Variants in B4GALNT3 observed in about 807,000 individuals in gnomAD.
B4GALNT3 encodes the protein beta-1,4-N-acetylgalactosaminyltransferase 3.
In B4GALNT3, 86 loss-of-function variants were observed where a neutral mutation model predicts 120.2. That is an observed-to-expected ratio of 0.72 (90% confidence interval 0.60 to 0.86). The LOEUF (loss-of-function observed/expected upper bound fraction) is 0.86. Ranked by LOEUF, B4GALNT3 falls within the 40% of genes least tolerant of loss-of-function variation. B4GALNT3 has a pLI of 0.00. For synonymous variants in B4GALNT3, 518 were observed against 510.4 expected (o/e 1.01, Z -0.20); for missense variants, 1,167 against 1,298.9 (o/e 0.90, Z 1.56).
At chr12:498,865 C>T (rs937642426) in intron 1 of B4GALNT3, among the ~76,000 whole-genome samples, 6 of 152,310 alleles carry the variant, frequency 3.9e-5, no homozygotes, top group South Asian at 2.1e-4. Context: ...GGGCTGGGAG[C>T]GTCCAAAGCC....
intron 1 of B4GALNT3, among the ~76,000 whole-genome samples, chr12:480,911 A>G (rs1946236821): frequency 6.6e-6 from 1 of 152,194 alleles, no homozygotes; most frequent in Non-Finnish European, 1.5e-5. Flanking sequence ...CAGGCCAAGG[A>G]CTGGACCAGT....
At chr12:536,351 A>C (rs113721346) in intron 3 of B4GALNT3, 56 bp downstream of exon 3, 2 of 1,438,836 alleles carry the variant, frequency 1.4e-6, no homozygotes, top group African/African-American at 1.4e-5. Flanking sequence ...TAATGTTTAC[A>C]GATAATTCCA....
At chr12:516,122 G>A (rs1946652597) in intron 1 of B4GALNT3, among the ~76,000 whole-genome samples, 1 of 151,306 alleles carries the variant, frequency 6.6e-6, no homozygotes, top group Non-Finnish European at 1.5e-5. Context: ...CTCCAGCCTG[G>A]GCGACAGAGC....
intron 2 of B4GALNT3, among the ~76,000 whole-genome samples, 167 bp downstream of exon 2, chr12:535,436 G>C (rs1047942218): frequency 6.6e-6 from 1 of 152,196 alleles, no homozygotes; most frequent in Non-Finnish European, 1.5e-5. Flanking sequence ...CTGAGCCTTA[G>C]AGATGTCCAT....
intron 1 of B4GALNT3, among the ~76,000 whole-genome samples, chr12:513,161 C>G (rs563897705): frequency 1.3e-5 from 2 of 150,250 alleles, no homozygotes; most frequent in Non-Finnish European, 3.0e-5. Context: ...TTCCACCTTC[C>G]ACCTTCCACC....
intron 1 of B4GALNT3, among the ~76,000 whole-genome samples, chr12:466,833 A>G (rs1490197581): frequency 1.3e-5 from 2 of 152,194 alleles, no homozygotes; most frequent in Non-Finnish European, 2.9e-5. Flanking sequence ...ACCAACTTTT[A>G]AGAAAATAAA....
Position 561,386 on chromosome 12 carries a change from A to G in B4GALNT3, c.2932A>G (p.Asn978Asp). Residue 978 changes from asparagine to aspartate, a missense_variant, in exon 20 of 20, where the codon AAT becomes GAT. Transcript: ENST00000266383. ...GLDVERLSLR[N>D]FFHHFHSKRG... ...GGACGTGGAGCGTCTCTCCCTCAGG[A>G]ATTTCTTCCATCATTTCCATTCCAA... 1 of 1,614,012 alleles carries G rather than the reference A, an allele frequency of 6.2e-7. No individual in the cohort carries two copies. Among genetic ancestry groups the G allele is most frequent in the Non-Finnish European group, 8.5e-7 (1 of 1,180,000 alleles).
intron 1 of B4GALNT3, among the ~76,000 whole-genome samples, chr12:526,707 A>G (rs996826902): frequency 2.0e-5 from 3 of 148,624 alleles, no homozygotes; most frequent in Admixed American, 2.0e-4. Context: ...TGATGATGAT[A>G]ATGATGATAT....
intron 19 of B4GALNT3, 24 bp downstream of exon 19, chr12:559,445 C>T: frequency 1.2e-6 from 2 of 1,611,536 alleles, no homozygotes; most frequent in Non-Finnish European, 1.7e-6. Flanking sequence ...GGAGGGCATC[C>T]ACGAGGCCTG....
intron 1 of B4GALNT3, among the ~76,000 whole-genome samples, chr12:480,671 T>C (rs1946233823): frequency 6.7e-6 from 1 of 150,014 alleles, no homozygotes; most frequent in Non-Finnish European, 1.5e-5. Context: ...AGGCCCAGCC[T>C]TATCTCCGGG....
At chr12:546,750 G>A (rs1012442564) in intron 7 of B4GALNT3, 37 bp downstream of exon 7, 8 of 1,532,386 alleles carry the variant, frequency 5.2e-6, no homozygotes, top group Middle Eastern at 1.9e-4. Context: ...TGGGCGCCTC[G>A]GTGCCTCGGT....
chr12:518,649 C>T (rs957397561), intron 1 of B4GALNT3, among the ~76,000 whole-genome samples: 3 of 152,168 alleles, frequency 2.0e-5, no homozygotes, highest in Non-Finnish European at 2.9e-5. Context: ...ATCCTCCCAC[C>T]TCAGCCTCTC....
intron 1 of B4GALNT3, among the ~76,000 whole-genome samples, chr12:514,047 G>T (rs1946624971): frequency 6.6e-6 from 1 of 152,184 alleles, no homozygotes; most frequent in East Asian, 1.9e-4. Flanking sequence ...GTATACCTGG[G>T]AATAGAACTG....
chr12:460,506 G>T lies in B4GALNT3; in HGVS notation c.130G>T (p.Val44Leu). ...GCTCTGGACTCTGTATCTGGAACTG[G>T]TGGCGTCGGCCCAGGTCGGCGGGAA... ...VGLWTLYLELVASAQVGGNPL... is the reference protein window; with the variant it reads ...VGLWTLYLELLASAQVGGNPL... Residue 44 changes from valine to leucine, a missense_variant, in exon 1 of 20, where the codon GTG becomes TTG. Coordinates refer to ENST00000266383, the MANE Select transcript of B4GALNT3 (RefSeq NM_173593.4). This position sits in a 1 kb window ranked among gnomAD's most constrained non-coding sequence, Gnocchi z 8.0. 1 of 1,582,986 alleles carries T rather than the reference G, an allele frequency of 6.3e-7. No individual in the cohort carries two copies. The highest frequency in any genetic ancestry group is 1.1e-5 in the South Asian group (1 of 86,982).
chr12:519,351 G>A (rs1321114473), intron 1 of B4GALNT3, among the ~76,000 whole-genome samples: 1 of 152,162 alleles, frequency 6.6e-6, no homozygotes, highest in Non-Finnish European at 1.5e-5. Flanking sequence ...TGCTCAAGAA[G>A]CCAAAAGAAA....
chr12:557,849 C>T, intron 16 of B4GALNT3, 88 bp downstream of exon 16: 11 of 1,501,480 alleles, frequency 7.3e-6, no homozygotes, highest in Non-Finnish European at 9.9e-6. Flanking sequence ...AGCCAGGAGT[C>T]CTGCCCAGCC....
intron 1 of B4GALNT3, among the ~76,000 whole-genome samples, chr12:511,414 C>CCTTCCACCTTCCACCTT (rs1161743856): frequency 9.5e-4 from 104 of 109,102 alleles, no homozygotes; most frequent in Non-Finnish European, 1.4e-3. Flanking sequence ...CTTCCTTCCA[C>CCTTCCACCTTCCACCTT]CTTCCACCTT....
At position 559,980 on chromosome 12, in the gene B4GALNT3, C is replaced by A. The variant is rs550324459; in HGVS notation, c.2888+559C>A. Among the ~76,000 whole-genome samples, 4 of 152,138 alleles carry A rather than the reference C, an allele frequency of 2.6e-5. No individual in the cohort carries two copies. The South Asian group carries it at 6.2e-4, about 24-fold the overall frequency. ...AGGAAAGGGTCAATGAGATGAAAAGCCTCAGAGAAGAACACAGTACAAGCT... is the reference window on the plus strand; with the variant it reads ...AGGAAAGGGTCAATGAGATGAAAAGACTCAGAGAAGAACACAGTACAAGCT... On this transcript the variant is annotated intron_variant, in intron 19 of 19. Transcript: ENST00000266383.
intron 1 of B4GALNT3, among the ~76,000 whole-genome samples, chr12:520,073 G>C (rs1946692406): frequency 1.3e-5 from 2 of 152,192 alleles, no homozygotes; most frequent in African/African-American, 4.8e-5. Context: ...CCAGCATGGA[G>C]TTAGACCTGG....
Sources: gnomAD v4.1 joint callset for allele counts (sites outside exome capture counted in the v4.1 genomes callset) on GRCh38, gnomAD v4.1.1 for gene constraint, Gnocchi (gnomAD v3.1) non-coding constraint, MANE v1.5 for transcripts, NCBI Gene and HGNC (gene_info 2026-07-23, HGNC 2026-07-21) for gene names.